PTGER3: variants seen among roughly 807,000 people sequenced by gnomAD.
PTGER3 encodes prostaglandin E2 receptor EP3 subtype.
In PTGER3, 22 loss-of-function variants were observed where a neutral mutation model predicts 34.7. The ratio of observed to expected loss-of-function variants is 0.63; its 90% CI spans 0.45 to 0.91. PTGER3 has a LOEUF of 0.91. Ranked by LOEUF, PTGER3 falls within the 40% of genes least tolerant of loss-of-function variation. PTGER3 has a pLI of 0.00. For synonymous variants in PTGER3, 241 were observed against 230.1 expected (o/e 1.05, Z -0.43); for missense variants, 468 against 519.4 (o/e 0.90, Z 0.96).
At chr1:70,992,686 G>A (rs1187741729) in intron 2 of PTGER3, among the ~76,000 whole-genome samples, 1 of 152,120 alleles carries the variant, frequency 6.6e-6, no homozygotes, top group Non-Finnish European at 1.5e-5. Context: ...GAGAAAAGAG[G>A]CAACACTTGA....
intron 2 of PTGER3, among the ~76,000 whole-genome samples, chr1:70,959,408 C>A (rs1210200202): frequency 1.3e-5 from 2 of 149,946 alleles, no homozygotes; most frequent in Non-Finnish European, 2.9e-5. Context: ...TGCTGGAGTG[C>A]AGTGGCAAGA....
intron 2 of PTGER3, among the ~76,000 whole-genome samples, chr1:70,985,260 C>T (rs892112358): frequency 2.1e-4 from 32 of 152,072 alleles, no homozygotes; most frequent in African/African-American, 7.5e-4. Context: ...TGAGGTGTCA[C>T]CGCATGCGTG....
At chr1:70,886,671 G>A (rs1305735390) in intron 4 of PTGER3, among the ~76,000 whole-genome samples, 1 of 152,092 alleles carries the variant, frequency 6.6e-6, no homozygotes, top group Admixed American at 6.6e-5. Flanking sequence ...TTTCATCATG[G>A]CAATTATTAG....
chr1:70,862,861 G>A (rs181394129), intron 4 of PTGER3, among the ~76,000 whole-genome samples: 40 of 152,180 alleles, frequency 2.6e-4, no homozygotes, highest in Non-Finnish European at 4.6e-4. Context: ...AACAAACAGC[G>A]GATAACTGAA....
intron 2 of PTGER3, chr1:71,007,761 T>C (rs1657096948): frequency 1.0e-6 from 1 of 985,368 alleles, no homozygotes; most frequent in South Asian, 4.7e-5. Flanking sequence ...TAAAGTTTAA[T>C]GATTGGCTGT....
At chr1:70,962,888 A>G (rs1236093941) in intron 2 of PTGER3, among the ~76,000 whole-genome samples, 1 of 152,220 alleles carries the variant, frequency 6.6e-6, no homozygotes, top group African/African-American at 2.4e-5. Flanking sequence ...TCATTTCAGC[A>G]TTAACTCAAA....
intron 4 of PTGER3, among the ~76,000 whole-genome samples, chr1:70,887,976 A>G (rs35327754): frequency 0.046 from 6,945 of 151,478 alleles, 404 homozygotes; most frequent in East Asian, 0.22. Flanking sequence ...GTTCCTGACC[A>G]GAAAGCAATG....
downstream of PTGER3, chr1:70,950,983 G>A (rs1243145318): frequency 6.6e-6 from 1 of 152,104 alleles, no homozygotes; most frequent in East Asian, 1.9e-4. Context: ...CCAAAGTGCT[G>A]GAATTACAGG....
intron 4 of PTGER3, among the ~76,000 whole-genome samples, chr1:70,855,533 G>A (rs1645782594): frequency 6.6e-6 from 1 of 152,040 alleles, no homozygotes; most frequent in Non-Finnish European, 1.5e-5. Flanking sequence ...AATTAGTTCT[G>A]TGAACGCGAC....
chr1:70,895,058 T>C (rs1646696513), intron 4 of PTGER3, among the ~76,000 whole-genome samples: 1 of 152,238 alleles, frequency 6.6e-6, no homozygotes, highest in South Asian at 2.1e-4. Flanking sequence ...ACCAAATGAC[T>C]CTCAATTGAT....
intron 1 of PTGER3, among the ~76,000 whole-genome samples, chr1:71,013,479 G>C (rs2100862987): frequency 6.6e-6 from 1 of 152,240 alleles, no homozygotes; most frequent in African/African-American, 2.4e-5. Context: ...GAGGCAGGCG[G>C]ATCACTTGAG....
At chr1:71,040,795 G>A (rs1323730208) in intron 1 of PTGER3, among the ~76,000 whole-genome samples, 1 of 152,162 alleles carries the variant, frequency 6.6e-6, no homozygotes, top group East Asian at 1.9e-4. Flanking sequence ...ACTGTGAAAG[G>A]GAAATGCGGG....
chr1:70,882,887 A>G (rs1206341353), intron 4 of PTGER3, among the ~76,000 whole-genome samples: 1 of 152,078 alleles, frequency 6.6e-6, no homozygotes, highest in East Asian at 1.9e-4. Flanking sequence ...GGTTTCTCAG[A>G]TGTTTGGCCT....
intron 1 of PTGER3, among the ~76,000 whole-genome samples, chr1:71,020,501 C>A (rs1325917715): frequency 1.3e-5 from 2 of 151,054 alleles, no homozygotes; most frequent in African/African-American, 4.9e-5. Context: ...ATTTTTGGGG[C>A]AAAGCTGGAA....
At chr1:70,925,870 TA>T (rs1648029221) in intron 4 of PTGER3, among the ~76,000 whole-genome samples, 1 of 152,106 alleles carries the variant, frequency 6.6e-6, no homozygotes, top group Admixed American at 6.6e-5. Flanking sequence ...TATTGAACTT[TA>T]TAAAATATAT....
intron 4 of PTGER3, among the ~76,000 whole-genome samples, chr1:70,886,502 G>A (rs1357748475): frequency 6.6e-6 from 1 of 152,166 alleles, no homozygotes; most frequent in Admixed American, 6.5e-5. Flanking sequence ...CTATCTCCCA[G>A]ATACCACAAG....
chr1:70,975,137 T>G (rs1368330132), intron 2 of PTGER3, among the ~76,000 whole-genome samples: 1 of 152,182 alleles, frequency 6.6e-6, no homozygotes, highest in Non-Finnish European at 1.5e-5. Context: ...TGATGTGTCA[T>G]TGTACCTAAG....
At chr1:70,953,941 C>T (rs1418480846) in intron 2 of PTGER3, among the ~76,000 whole-genome samples, 2 of 152,074 alleles carry the variant, frequency 1.3e-5, no homozygotes, top group African/African-American at 4.8e-5. Flanking sequence ...AGATAAACAA[C>T]ATGGGCATGG....
rs546151476 is a variant in PTGER3 at position 71,007,177 on chromosome 1, T to C, written c.1077+5128A>G. On this transcript the variant is annotated intron_variant, in intron 2 of 3. Transcript: ENST00000306666. ...ACACTATGCTTTTGATACTGATCTT[T>C]ACAATATGGATTAAAGTGCCAATGA... The C allele has an allele frequency of 8.7e-3, 8,597 of 985,796 alleles. 42 individuals are homozygous for C. Among genetic ancestry groups the C allele is most frequent in the Non-Finnish European group, 9.8e-3 (8,154 of 829,864 alleles). 61.1% of individuals were successfully genotyped at this position (985,796 alleles called of 1,614,324 possible). A position where few individuals can be genotyped will look rare whatever the true frequency, so the allele number is the denominator to read the frequency against.
Sources: allele counts gnomAD v4.1 joint callset (sites outside exome capture counted in the v4.1 genomes callset), GRCh38; gene constraint gnomAD v4.1.1; transcripts MANE v1.5; gene names NCBI Gene and HGNC (gene_info 2026-07-23, HGNC 2026-07-21).